The following GRAMD2B variants were observed in gnomAD, a reference collection of about 807,000 sequenced individuals.
GRAMD2B encodes the protein GRAM domain containing 2B.
GRAMD2B carries 41 observed loss-of-function variants against 59.2 expected under a neutral mutation model. The ratio of observed to expected loss-of-function variants is 0.69; its 90% CI spans 0.54 to 0.90. The LOEUF is 0.90. Ranked by LOEUF, GRAMD2B falls within the 40% of genes least tolerant of loss-of-function variation. The pLI, the probability that GRAMD2B is intolerant of heterozygous loss-of-function variation, is 0.00. For missense variants in GRAMD2B, 424 were observed against 500.5 expected, an observed-to-expected ratio of 0.85 and a Z score of 1.46; for synonymous variants, 161 against 182.7, an observed-to-expected ratio of 0.88 and a Z score of 0.96.
Position 126,469,798 on chromosome 5 carries a change from G to T in GRAMD2B, c.315+10G>T. ...TTCATCTTCCAGCCAGGTAATTTGAGAATGGAATTTGTATTGTCTTAGAGG... is the reference window on the plus strand; with the variant it reads ...TTCATCTTCCAGCCAGGTAATTTGATAATGGAATTTGTATTGTCTTAGAGG... On this transcript the variant is annotated intron_variant, in intron 3 of 13. Transcript: ENST00000285689. The T allele has an allele frequency of 6.3e-7, 1 of 1,591,586 alleles. No individual in the cohort carries two copies. The highest frequency in any genetic ancestry group is 8.6e-7 in the Non-Finnish European group (1 of 1,160,472).
At chr5:126,361,087 G>T (rs1441564775) in intron 1 of GRAMD2B, among the ~76,000 whole-genome samples, 2 of 152,154 alleles carry the variant, frequency 1.3e-5, no homozygotes, top group African/African-American at 4.8e-5. Flanking sequence ...ACAAGTATAT[G>T]TAGAGATATT....
At chr5:126,465,380 C>CCT (rs1768131406) in intron 1 of GRAMD2B, 46 bp from the exon 2 acceptor site, 1 of 1,610,490 alleles carries the variant, frequency 6.2e-7, no homozygotes. Context: ...CTTCCAGCTA[C>CCT]CTCTCTCTGA....
chr5:126,442,203 C>T (rs1050072291), intron 1 of GRAMD2B, among the ~76,000 whole-genome samples: 7 of 151,800 alleles, frequency 4.6e-5, no homozygotes, highest in Non-Finnish European at 8.8e-5. Flanking sequence ...CTCATCTTCA[C>T]GTTCTTCACC....
At chr5:126,367,401 C>T (rs1486014396), upstream of GRAMD2B, among the ~76,000 whole-genome samples, 3 of 147,872 alleles carry the variant, frequency 2.0e-5, no homozygotes, top group African/African-American at 7.6e-5. Flanking sequence ...GATCTTATGT[C>T]TCAATATCCA....
exon 1 of GRAMD2B, chr5:126,371,411 T>G (rs907495070): frequency 2.4e-6 from 3 of 1,271,522 alleles, no homozygotes; most frequent in African/African-American, 3.1e-5. Flanking sequence ...CTTTTAAGGT[T>G]GTTCCTTGAC....
At position 126,406,224 on chromosome 5, in the gene GRAMD2B, T is replaced by C. The variant is rs1758253554; in HGVS notation, c.125+34657T>C. Among the ~76,000 whole-genome samples the C allele has an allele frequency of 2.6e-5, 4 of 151,944 alleles. No individual in the cohort carries two copies. The South Asian group carries it at 8.3e-4, about 32-fold the overall frequency. On this transcript the variant is annotated intron_variant, in intron 1 of 8. Transcript: ENST00000506445. ...GCTAAAGAAGTTTGAGGCTTTTCTT[T>C]TTACCTTTTAAAATGGATATACCTA...
chr5:126,389,033 A>G (rs1756455089), intron 1 of GRAMD2B, among the ~76,000 whole-genome samples: 1 of 152,202 alleles, frequency 6.6e-6, no homozygotes, highest in Admixed American at 6.5e-5. Flanking sequence ...AAAAACCACA[A>G]AGTGACTTTA....
At chr5:126,416,046 T>A (rs1266357667) in intron 1 of GRAMD2B, among the ~76,000 whole-genome samples, 2 of 152,200 alleles carry the variant, frequency 1.3e-5, no homozygotes, top group Non-Finnish European at 2.9e-5. Context: ...AGGACTAATA[T>A]TGATGGTGTG....
intron 1 of GRAMD2B, among the ~76,000 whole-genome samples, chr5:126,398,131 C>A (rs1048711863): frequency 6.7e-6 from 1 of 149,620 alleles, no homozygotes; most frequent in African/African-American, 2.5e-5. Context: ...TCAAGTGATC[C>A]TCTCACCCCA....
chr5:126,477,895 T>A, intron 6 of GRAMD2B, 108 bp downstream of exon 6: 1 of 721,344 alleles, frequency 1.4e-6, no homozygotes, highest in South Asian at 1.5e-5. Context: ...ATAAATATCA[T>A]CTCCTGTGGT....
At chr5:126,439,319 T>C (rs1283602349) in intron 1 of GRAMD2B, among the ~76,000 whole-genome samples, 1 of 146,764 alleles carries the variant, frequency 6.8e-6, no homozygotes, top group Non-Finnish European at 1.5e-5. Flanking sequence ...TCTTTGTTTT[T>C]TGGTTTTGCT....
chr5:126,431,773 G>GA (rs36111279), intron 1 of GRAMD2B, among the ~76,000 whole-genome samples: 34,742 of 151,810 alleles, frequency 0.23, 4,371 homozygotes, highest in Non-Finnish European at 0.29. Context: ...AAAGGAGAAA[G>GA]AAAAAAAATT....
chr5:126,372,570 A>C (rs2149692884), intron 1 of GRAMD2B, among the ~76,000 whole-genome samples: 1 of 152,294 alleles, frequency 6.6e-6, no homozygotes, highest in South Asian at 2.1e-4. Context: ...TTTAAAAAGA[A>C]GTTTTAGAGA....
intron 1 of GRAMD2B, among the ~76,000 whole-genome samples, chr5:126,408,875 T>C (rs1190541681): frequency 7.7e-6 from 1 of 130,244 alleles, no homozygotes; most frequent in East Asian, 2.5e-4. Flanking sequence ...GAGTGTGATG[T>C]TCCCCTTCCT....
chr5:126,454,372 G>C (rs1765901126), intron 1 of GRAMD2B, among the ~76,000 whole-genome samples: 1 of 152,132 alleles, frequency 6.6e-6, no homozygotes, highest in South Asian at 2.1e-4. Context: ...TCCAAGGGTG[G>C]AAGGGAAATC....
chr5:126,386,836 G>T (rs1187672662), intron 1 of GRAMD2B, among the ~76,000 whole-genome samples: 1 of 152,174 alleles, frequency 6.6e-6, no homozygotes, highest in Non-Finnish European at 1.5e-5. Flanking sequence ...GCAAGTTGGA[G>T]GCACTGAAGA....
At chr5:126,401,571 T>C (rs1000910036) in intron 1 of GRAMD2B, among the ~76,000 whole-genome samples, 3 of 152,012 alleles carry the variant, frequency 2.0e-5, no homozygotes, top group African/African-American at 7.2e-5. Context: ...AGTTAGCTCC[T>C]CCAGTCTTTA....
intron 8 of GRAMD2B, 59 bp downstream of exon 8, chr5:126,480,766 A>G: frequency 7.0e-7 from 1 of 1,432,722 alleles, no homozygotes; most frequent in Admixed American, 1.7e-5. Context: ...CCACAATTAC[A>G]CTTGTGCTTA....
chr5:126,409,024 CT>C (rs147890011), intron 1 of GRAMD2B, among the ~76,000 whole-genome samples: 3,552 of 151,270 alleles, frequency 0.023, 144 homozygotes, highest in African/African-American at 0.08. Context: ...TGAACTCATC[CT>C]TTTTTATGGC....
Sources: gnomAD v4.1 joint callset for allele counts (sites outside exome capture counted in the v4.1 genomes callset) on GRCh38, gnomAD v4.1.1 for gene constraint, MANE v1.5 for transcripts, NCBI Gene and HGNC (gene_info 2026-07-23, HGNC 2026-07-21) for gene names.